FBXO40: variants seen among roughly 807,000 people sequenced by gnomAD.
FBXO40 encodes F-box only protein 40.
In FBXO40, 50 loss-of-function variants were observed where a neutral mutation model predicts 49.9. The observed-to-expected ratio is 1.00, with a 90% CI of 0.80 to 1.27. FBXO40 has a LOEUF of 1.27. FBXO40 is among the 50% of genes most tolerant of loss of function. The pLI is 0.00. For synonymous variants in FBXO40, 340 were observed against 320.2 expected (o/e 1.06, Z -0.66); for missense variants, 895 against 870.1 (o/e 1.03, Z -0.36).
chr3:121,621,733 T>C lies in FBXO40; in HGVS notation c.304T>C (p.Trp102Arg). The change falls in exon 3 of 4, where the codon TGG becomes CGG. Residue 102 changes from tryptophan (W) to arginine (R), a missense_variant. Physicochemically the swap from Trp to Arg is moderately radical, Grantham distance 101 (BLOSUM62 -3). Coordinates refer to ENST00000338040, the MANE Select transcript of FBXO40 (RefSeq NM_016298.4). ...VVCCSMEWNR[W>R]PNVDSETTLH... ...CTGCTGCTCCATGGAGTGGAACCGC[T>C]GGCCAAATGTGGACTCTGAAACCAC... 6.2e-7 allele frequency: 1 copy of C among 1,614,232 alleles called. No individual in the cohort carries two copies. The highest frequency in any genetic ancestry group is 8.5e-7 in the Non-Finnish European group (1 of 1,180,032).
chr3:121,622,463 A>C lies in FBXO40; in HGVS notation c.1034A>C (p.Lys345Thr). 6.2e-7 allele frequency: 1 copy of C among 1,614,234 alleles called. No individual in the cohort carries two copies. The highest frequency in any genetic ancestry group is 8.5e-7 in the Non-Finnish European group (1 of 1,180,044). Residue 345 changes from lysine to threonine, a missense_variant, in exon 3 of 4, where the codon AAG (lysine) becomes ACG (threonine). Lys to Thr is a moderately conservative substitution (Grantham distance 78). Coordinates refer to ENST00000338040, the MANE Select transcript of FBXO40 (RefSeq NM_016298.4). Reference protein sequence around the residue: ...VYGKLEAQEVKTVYTFKVPVS... With the variant: ...VYGKLEAQEVTTVYTFKVPVS... ...GGCAAGCTGGAGGCTCAGGAAGTTA[A>C]GACTGTTTACACCTTCAAAGTTCCT... is the stretch of plus-strand genomic sequence containing the variant.
chr3:121,624,608 G>A (rs1305761723), intron 3 of FBXO40, among the ~76,000 whole-genome samples: 1 of 152,172 alleles, frequency 6.6e-6, no homozygotes, highest in Non-Finnish European at 1.5e-5. Flanking sequence ...ATGGGAGGAA[G>A]GGAAGAATGA....
Position 121,597,485 on chromosome 3 carries a change from A to T in FBXO40, c.-31+3983A>T, listed in dbSNP as rs574239604. On this transcript the variant is annotated intron_variant, in intron 1 of 3. Transcript: ENST00000338040. Reference sequence around the variant, plus strand: ...TATAAGATACATTGGAGTGAGGGGGACTGAAAATGGAAAGACCAGACATGG... The same window carrying T: ...TATAAGATACATTGGAGTGAGGGGGTCTGAAAATGGAAAGACCAGACATGG... 7.9e-5 allele frequency among the ~76,000 whole-genome samples: 12 copies of T among 152,004 alleles called. No homozygotes were observed. The East Asian group carries it at 2.3e-3, about 29-fold the overall frequency.
chr3:121,626,890 C>T lies in FBXO40; in HGVS notation c.2110C>T (p.Arg704Ter), dbSNP rs139292085. 3.6e-5 allele frequency: 58 copies of T among 1,613,930 alleles called. No individual in the cohort carries two copies. The highest frequency in any genetic ancestry group is 8.3e-5 in the Admixed American group (5 of 60,000). The change falls in exon 4 of 4, where the codon CGA (arginine) becomes TGA (stop). Residue 704 changes from arginine to a stop codon, truncating the protein, a stop_gained. Coordinates refer to ENST00000338040, the MANE Select transcript of FBXO40 (RefSeq NM_016298.4). LOFTEE classifies it high-confidence loss of function. ...AGTCTCCACCTTTAGAATCAGACCA[C>T]GAGGAAGATACGTCTCCTAAAAATT... The part of the protein sequence containing the change: ...SLVSTFRIRP[R>*]GRYVS
At chr3:121,626,562 T>C in intron 3 of FBXO40, 133 bp from the exon 4 acceptor site, 1 of 783,356 alleles carries the variant, frequency 1.3e-6, no homozygotes, top group South Asian at 1.6e-5. Context: ...ACCAAATGTC[T>C]GCAGGAGCCA....
intron 1 of FBXO40, among the ~76,000 whole-genome samples, chr3:121,598,181 G>A (rs1257568418): frequency 6.6e-6 from 1 of 152,162 alleles, no homozygotes; most frequent in East Asian, 1.9e-4. Flanking sequence ...GAAAGAGCAG[G>A]TACACAGGCC....
chr3:121,600,168 C>G (rs540357612), intron 1 of FBXO40, among the ~76,000 whole-genome samples: 1 of 147,292 alleles, frequency 6.8e-6, no homozygotes, highest in African/African-American at 2.5e-5. Flanking sequence ...GCAGCTAAGA[C>G]TACAGGCATG....
chr3:121,623,688 CT>C (rs11455375), intron 3 of FBXO40, among the ~76,000 whole-genome samples: 3,996 of 128,872 alleles, frequency 0.031, 68 homozygotes, highest in African/African-American at 0.07. Context: ...TTTTAAAGGC[CT>C]TTTTTTTTTT....
intron 1 of FBXO40, among the ~76,000 whole-genome samples, chr3:121,604,536 A>G (rs1037753061): frequency 6.6e-6 from 1 of 152,170 alleles, no homozygotes; most frequent in Non-Finnish European, 1.5e-5. Flanking sequence ...CCAAACCACA[A>G]TGTTAGCCAT....
At chr3:121,599,098 A>T (rs2048887390) in intron 1 of FBXO40, among the ~76,000 whole-genome samples, 2 of 152,198 alleles carry the variant, frequency 1.3e-5, no homozygotes, top group South Asian at 4.1e-4. Context: ...AAATGTGTTG[A>T]CCATATATTT....
chr3:121,626,036 T>C (rs1256755349), intron 3 of FBXO40, among the ~76,000 whole-genome samples: 1 of 152,196 alleles, frequency 6.6e-6, no homozygotes, highest in Non-Finnish European at 1.5e-5. Flanking sequence ...TGAGTTACAA[T>C]ACTTTAATTT....
In FBXO40 at chr3:121,627,682, A is replaced by G. The variant is rs1451407646; in HGVS notation, c.*772A>G. ...CACCAACTTACTTTGTAACATTTTAATAATGACTTAAGGGTCAAGATTTTT... is the reference window on the plus strand; with the variant it reads ...CACCAACTTACTTTGTAACATTTTAGTAATGACTTAAGGGTCAAGATTTTT... On this transcript the variant is annotated 3_prime_UTR_variant, in exon 4 of 4. Transcript: ENST00000338040. 5.0e-6 allele frequency: 2 copies of G among 396,378 alleles called. No individual in the cohort carries two copies. The highest frequency in any genetic ancestry group is 4.4e-5 in the Admixed American group (1 of 22,596). 24.6% of individuals were successfully genotyped at this position (396,378 alleles called of 1,614,324 possible). A position where few individuals can be genotyped will look rare whatever the true frequency, so the allele number is the denominator to read the frequency against.
chr3:121,609,903 A>G (rs2048955080), intron 1 of FBXO40, among the ~76,000 whole-genome samples: 1 of 152,230 alleles, frequency 6.6e-6, no homozygotes, highest in Non-Finnish European at 1.5e-5. Flanking sequence ...TGAATAAGAA[A>G]TTAATAATCT....
intron 1 of FBXO40, among the ~76,000 whole-genome samples, chr3:121,611,502 A>C (rs193135004): frequency 1.3e-5 from 2 of 152,242 alleles, no homozygotes; most frequent in Non-Finnish European, 2.9e-5. Flanking sequence ...GCATTGCTGT[A>C]AACATGTCTT....
rs2108853336 is a variant in FBXO40 at position 121,628,243 on chromosome 3, C to G, written c.*1333C>G. 1 of 199,638 alleles carries G rather than the reference C, an allele frequency of 5.0e-6. No homozygotes were observed. The highest frequency in any genetic ancestry group is 1.1e-4 in the East Asian group (1 of 9,212). The allele number at this position is 199,638 out of a possible 1,614,324, so 12.4% of individuals were successfully genotyped here. The stretch of plus-strand genomic sequence containing the variant: ...CCAGGCTGGAGCGCAATGACATGAT[C>G]TCGGCTCACCGCAACCTCCGCCTCC... On this transcript the variant is annotated 3_prime_UTR_variant, in exon 4 of 4. Coordinates refer to ENST00000338040, the MANE Select transcript of FBXO40 (RefSeq NM_016298.4).
At position 121,623,240 on chromosome 3, in the gene FBXO40, G is replaced by C; in HGVS notation, c.1811G>C (p.Arg604Thr). 1 of 1,614,174 alleles carries C rather than the reference G, an allele frequency of 6.2e-7. No individual in the cohort carries two copies. The highest frequency in any genetic ancestry group is 8.5e-7 in the Non-Finnish European group (1 of 1,180,032). ...CTCTCCCAGGTGTCTGTGCTGATGA[G>C]GAATATCTGTGCCACTTTGTTACAA... ...AQLSQVSVLM[R>T]NICATLLQER... Residue 604 changes from arginine (R) to threonine (T), a missense_variant, in exon 3 of 4, where the codon AGG becomes ACG. Arg to Thr is a moderately conservative substitution (Grantham distance 71). Coordinates refer to ENST00000338040, the MANE Select transcript of FBXO40 (RefSeq NM_016298.4).
rs1253222347 is a variant in FBXO40 at position 121,628,952 on chromosome 3, C to G, written c.*2042C>G. 1 of 152,202 alleles carries G rather than the reference C, an allele frequency of 6.6e-6. No individual in the cohort carries two copies. The highest frequency in any genetic ancestry group is 1.5e-5 in the Non-Finnish European group (1 of 68,040). 9.4% of individuals were successfully genotyped at this position (152,202 alleles called of 1,614,324 possible). On this transcript the variant is annotated 3_prime_UTR_variant, in exon 4 of 4. Transcript: ENST00000338040. ...TAATTGGTGTCATTTTCCCAGCAGT[C>G]CTAGCAGTCCTCAAGCAAGTGGGAA...
At chr3:121,600,056 G>A (rs781289349) in intron 1 of FBXO40, among the ~76,000 whole-genome samples, 23 of 145,194 alleles carry the variant, frequency 1.6e-4, no homozygotes, top group Non-Finnish European at 2.9e-4. Flanking sequence ...ACACACACAG[G>A]ATCTTGCTGT....
chr3:121,606,127 A>C (rs991791799), intron 1 of FBXO40, among the ~76,000 whole-genome samples: 3 of 152,270 alleles, frequency 2.0e-5, no homozygotes, highest in African/African-American at 7.2e-5. Context: ...GAGGAGGATC[A>C]GGAAGACTAA....
Sources: gnomAD v4.1 joint callset for allele counts (sites outside exome capture counted in the v4.1 genomes callset) on GRCh38, gnomAD v4.1.1 for gene constraint, MANE v1.5 for transcripts, NCBI Gene and HGNC (gene_info 2026-07-23, HGNC 2026-07-21) for gene names.